Variants in ANKRD60 observed in about 807,000 individuals in gnomAD.
ANKRD60 encodes ankyrin repeat domain 60, also known as ankyrin repeat domain-containing protein 60.
In ANKRD60, 24 loss-of-function variants were observed where a neutral mutation model predicts 21.3. The observed-to-expected ratio is 1.13, with a 90% CI of 0.82 to 1.59. The LOEUF is 1.59. Among genes scored for constraint, ANKRD60 ranks in the 40% most tolerant of loss-of-function variants. The probability of loss-of-function intolerance (pLI) is 0.00; values close to 1 mark genes in which losing one functional copy is unlikely to be tolerated. For missense variants in ANKRD60, 490 were observed against 466.7 expected (o/e 1.05, Z -0.46); for synonymous variants, 182 against 199.4 (o/e 0.91, Z 0.74).
intron 2 of ANKRD60, 22 bp downstream of exon 2, chr20:58,223,030 A>G (rs1327386914): frequency 6.5e-7 from 1 of 1,541,950 alleles, no homozygotes; most frequent in Admixed American, 2.1e-5. Flanking sequence ...TATAATATCC[A>G]TTTAAAGAAG....
At chr20:58,223,719 G>T (rs372502957) in intron 1 of ANKRD60, among the ~76,000 whole-genome samples, 1 of 152,158 alleles carries the variant, frequency 6.6e-6, no homozygotes, top group African/African-American at 2.4e-5. Context: ...ACTCCTTGTG[G>T]CAGGGGCCCC....
chr20:58,226,350 G>T (rs943646575), intron 1 of ANKRD60, among the ~76,000 whole-genome samples: 16 of 152,102 alleles, frequency 1.1e-4, no homozygotes, highest in Non-Finnish European at 1.5e-5. Flanking sequence ...ATGTAGCCCC[G>T]AGTAGTGTAG....
rs750014554 is a variant in ANKRD60, at chr20:58,223,019, G to A, written c.561+33C>T. The A allele has an allele frequency of 1.4e-4, 214 of 1,536,262 alleles. 1 individual carries two copies. Among genetic ancestry groups the A allele is most frequent in the Middle Eastern group, 8.5e-4 (5 of 5,914 alleles). ...CCACAATTTACGGTTGCTTCGTAAC[G>A]TATAATATCCATTTAAAGAAGCTTG... On this transcript the variant is annotated intron_variant, in intron 2 of 3. Coordinates refer to ENST00000457363, the Ensembl canonical transcript of ANKRD60.
intron 1 of ANKRD60, among the ~76,000 whole-genome samples, chr20:58,226,636 G>A (rs58030717): frequency 3.3e-5 from 5 of 152,246 alleles, no homozygotes; most frequent in East Asian, 3.9e-4. Context: ...ATGTAGACAC[G>A]GTTTCGTATC....
Position 58,228,315 on chromosome 20 carries a change from G to A in ANKRD60, c.339C>T (p.Arg113=). 2 of 1,551,268 alleles carry A rather than the reference G, an allele frequency of 1.3e-6. No homozygotes were observed. The highest frequency in any genetic ancestry group is 1.2e-5 in the South Asian group (1 of 84,060). Residue 113 remains arginine, a synonymous_variant, in exon 1 of 4, where the codon CGC becomes CGT. Coordinates refer to ENST00000457363, the Ensembl canonical transcript of ANKRD60. This position sits in a 1 kb window ranked among gnomAD's most constrained non-coding sequence, Gnocchi z 5.3. ...TGAGCTCCCGCACGGTCATGTCGCC[G>A]CGGCAGTTTGCCACTCGGAACATCT...
chr20:58,226,323 T>G (rs1199148996), intron 1 of ANKRD60, among the ~76,000 whole-genome samples: 1 of 152,026 alleles, frequency 6.6e-6, no homozygotes, highest in African/African-American at 2.4e-5. Context: ...GGACTTGTTT[T>G]GGGATGTGGG....
At chr20:58,217,377 C>G (rs545208421), downstream of ANKRD60, among the ~76,000 whole-genome samples, 1 of 151,602 alleles carries the variant, frequency 6.6e-6, no homozygotes, top group South Asian at 2.1e-4. Flanking sequence ...TGCAGTGAGC[C>G]GAGATGGCAC....
intron 1 of ANKRD60, among the ~76,000 whole-genome samples, chr20:58,227,309 G>T (rs1368496408): frequency 1.3e-5 from 2 of 152,088 alleles, no homozygotes; most frequent in African/African-American, 2.4e-5. Flanking sequence ...TGGAGATTAG[G>T]GGTTGAGTCT....
chr20:58,223,858 C>T (rs1021901767), intron 1 of ANKRD60, among the ~76,000 whole-genome samples: 2 of 152,164 alleles, frequency 1.3e-5, no homozygotes, highest in African/African-American at 2.4e-5. Flanking sequence ...CATCTCAGCA[C>T]TTTGGGAGGC....
chr20:58,225,618 T>C (rs1215826581), intron 1 of ANKRD60, among the ~76,000 whole-genome samples: 1 of 152,078 alleles, frequency 6.6e-6, no homozygotes, highest in Non-Finnish European at 1.5e-5. Context: ...TGTTACGGAT[T>C]AGGAAACTGA....
intron 1 of ANKRD60, 38 bp from the exon 2 acceptor site, chr20:58,223,220 T>C (rs565024605): frequency 6.6e-7 from 1 of 1,516,952 alleles, no homozygotes; most frequent in African/African-American, 1.4e-5. Flanking sequence ...AAAAATTGGG[T>C]ATTAAAGATA....
chr20:58,225,759 T>TGCA (rs1410312252), intron 1 of ANKRD60, among the ~76,000 whole-genome samples: 1 of 152,246 alleles, frequency 6.6e-6, no homozygotes, highest in Non-Finnish European at 1.5e-5. Flanking sequence ...ACATTCTCTG[T>TGCA]GCAGCAGCAG....
chr20:58,223,758 C>T (rs1304680996), intron 1 of ANKRD60, among the ~76,000 whole-genome samples: 3 of 152,128 alleles, frequency 2.0e-5, no homozygotes, highest in Admixed American at 6.6e-5. Flanking sequence ...CACAGCTTCC[C>T]GGCCTCTACC....
At chr20:58,221,589 G>C (rs1009253785) in intron 2 of ANKRD60, 86 bp from the exon 3 acceptor site, 2 of 1,416,314 alleles carry the variant, frequency 1.4e-6, no homozygotes, top group African/African-American at 1.4e-5. Flanking sequence ...TCAGGGGAAG[G>C]CTTGCTTGAA....
chr20:58,220,912 C>T (rs1455099909), intron 3 of ANKRD60, among the ~76,000 whole-genome samples: 1 of 152,130 alleles, frequency 6.6e-6, no homozygotes, highest in East Asian at 1.9e-4. Flanking sequence ...AGATTACAGG[C>T]ATGAGCCACC....
chr20:58,225,482 G>A (rs534869796), intron 1 of ANKRD60, among the ~76,000 whole-genome samples: 95 of 152,304 alleles, frequency 6.2e-4, no homozygotes, highest in African/African-American at 2.0e-3. Context: ...GTCAGGAAAA[G>A]TGCTTAACCT....
intron 1 of ANKRD60, among the ~76,000 whole-genome samples, chr20:58,225,894 G>A (rs1984354595): frequency 6.6e-6 from 1 of 152,158 alleles, no homozygotes; most frequent in Non-Finnish European, 1.5e-5. Flanking sequence ...GTAGGGAATC[G>A]GGATAGGGAA....
chr20:58,221,963 A>G (rs1464357012), intron 2 of ANKRD60, among the ~76,000 whole-genome samples: 2 of 152,152 alleles, frequency 1.3e-5, no homozygotes, highest in Non-Finnish European at 2.9e-5. Flanking sequence ...GCACAGGTGA[A>G]CAGCCCGGTC....
chr20:58,217,969 C>T (rs1382629579), downstream of ANKRD60, among the ~76,000 whole-genome samples: 3 of 152,152 alleles, frequency 2.0e-5, no homozygotes, highest in Non-Finnish European at 4.4e-5. Flanking sequence ...TTCCCTTCTG[C>T]CCCCGACTCA....
Sources: gnomAD v4.1 joint callset for allele counts (sites outside exome capture counted in the v4.1 genomes callset) on GRCh38, gnomAD v4.1.1 for gene constraint, Gnocchi (gnomAD v3.1) non-coding constraint, MANE v1.5 for transcripts, NCBI Gene and HGNC (gene_info 2026-07-23, HGNC 2026-07-21) for gene names.